Variants in XCR1 observed in about 807,000 individuals in gnomAD.
XCR1 encodes the protein chemokine XC receptor 1.
For missense variants in XCR1, 356 were observed against 424.2 expected (o/e 0.84, Z 1.41); for synonymous variants, 187 against 188.5 (o/e 0.99, Z 0.06).
intron 5 of XCR1, among the ~76,000 whole-genome samples, chr3:46,053,899 G>A (rs1697799482): frequency 8.0e-6 from 1 of 125,278 alleles, no homozygotes. Context: ...ACTGCTCCCA[G>A]TAGCTCTTTA....
intron 1 of XCR1, among the ~76,000 whole-genome samples, chr3:46,024,405 C>A (rs1308960745): frequency 6.6e-6 from 1 of 152,080 alleles, no homozygotes; most frequent in Non-Finnish European, 1.5e-5. Flanking sequence ...ACACTAAACT[C>A]ATGGAGGTTC....
chr3:46,055,320 A>G (rs1697833190), intron 4 of XCR1, among the ~76,000 whole-genome samples: 1 of 152,228 alleles, frequency 6.6e-6, no homozygotes, highest in Admixed American at 6.5e-5. Flanking sequence ...CATGAACAAA[A>G]CAATCATAAA....
intron 1 of XCR1, among the ~76,000 whole-genome samples, chr3:46,077,198 C>T (rs1285601718): frequency 2.0e-5 from 3 of 152,070 alleles, no homozygotes; most frequent in African/African-American, 7.2e-5. Flanking sequence ...CTAGGCTGCA[C>T]AGCAGGAGGT....
At chr3:46,079,970 G>C (rs2125904446) in intron 1 of XCR1, among the ~76,000 whole-genome samples, 1 of 152,212 alleles carries the variant, frequency 6.6e-6, no homozygotes, top group Middle Eastern at 3.4e-3. Context: ...GTCTCTCTGT[G>C]ATGCCATTTC....
At chr3:46,074,240 T>TTTTG (rs1698214831) in intron 3 of XCR1, among the ~76,000 whole-genome samples, 2 of 129,870 alleles carry the variant, frequency 1.5e-5, no homozygotes, top group African/African-American at 3.0e-5. Flanking sequence ...TTTTTTTTTT[T>TTTTG]GAGACAGGGT....
At chr3:46,039,226 G>A (rs1233503478) in intron 5 of XCR1, among the ~76,000 whole-genome samples, 1 of 152,172 alleles carries the variant, frequency 6.6e-6, no homozygotes, top group Non-Finnish European at 1.5e-5. Context: ...TTCTTGTTTT[G>A]TTGTACGGTA....
At chr3:46,023,415 T>G in intron 1 of XCR1, 1 of 1,469,810 alleles carries the variant, frequency 6.8e-7, no homozygotes, top group Non-Finnish European at 9.5e-7. Flanking sequence ...CTGCGGCATA[T>G]CTTTCTGAAG....
chr3:46,061,992 T>C (rs1480991381), intron 4 of XCR1, among the ~76,000 whole-genome samples: 1 of 152,118 alleles, frequency 6.6e-6, no homozygotes, highest in Non-Finnish European at 1.5e-5. Context: ...AAGGGTTTTG[T>C]GTGGCAAAGG....
chr3:46,042,489 G>A (rs1697553679), intron 5 of XCR1, among the ~76,000 whole-genome samples: 1 of 152,014 alleles, frequency 6.6e-6, no homozygotes, highest in South Asian at 2.1e-4. Flanking sequence ...AGGAAAGTGG[G>A]GACATTACTA....
intron 5 of XCR1, among the ~76,000 whole-genome samples, chr3:46,037,009 T>C (rs1697442337): frequency 6.6e-6 from 1 of 152,200 alleles, no homozygotes; most frequent in Admixed American, 6.5e-5. Flanking sequence ...GCTTATTGGA[T>C]GCCTGAGTCA....
chr3:46,045,627 T>TA (rs932286488), intron 5 of XCR1, among the ~76,000 whole-genome samples: 6 of 151,936 alleles, frequency 3.9e-5, no homozygotes, highest in Admixed American at 6.6e-5. Context: ...CTCAACATGA[T>TA]AAAAAAAACT....
chr3:46,041,884 C>T (rs1697542586), intron 5 of XCR1, among the ~76,000 whole-genome samples: 1 of 152,196 alleles, frequency 6.6e-6, no homozygotes, highest in Non-Finnish European at 1.5e-5. Flanking sequence ...TATATGTCTT[C>T]CCTGCTATAT....
intron 1 of XCR1, among the ~76,000 whole-genome samples, chr3:46,079,498 T>C (rs2125904358): frequency 6.6e-6 from 1 of 152,204 alleles, no homozygotes; most frequent in Middle Eastern, 3.4e-3. Context: ...CCTCCTCCCT[T>C]CCACTTCCAG....
At chr3:46,056,202 G>GT (rs1428190014) in intron 4 of XCR1, among the ~76,000 whole-genome samples, 8 of 151,804 alleles carry the variant, frequency 5.3e-5, no homozygotes, top group African/African-American at 7.3e-5. Context: ...TCAAGAGTTC[G>GT]TTTTTTTTCT....
intron 1 of XCR1, among the ~76,000 whole-genome samples, chr3:46,085,743 C>T (rs1181991771): frequency 1.3e-5 from 2 of 152,226 alleles, no homozygotes; most frequent in Admixed American, 6.5e-5. Context: ...CCAAACCTCC[C>T]TCTTGAGCTA....
chr3:46,068,164 G>A (rs528963659), intron 3 of XCR1, among the ~76,000 whole-genome samples: 2 of 152,302 alleles, frequency 1.3e-5, no homozygotes, highest in South Asian at 4.1e-4. Flanking sequence ...ACCAGCCTCA[G>A]CACCTCTGTG....
intron 5 of XCR1, among the ~76,000 whole-genome samples, chr3:46,049,065 A>G (rs7642229): frequency 0.22 from 33,966 of 152,160 alleles, 5,222 homozygotes; most frequent in African/African-American, 0.42. Flanking sequence ...AGGCAATGTC[A>G]CTGTACATGA....
At chr3:46,050,897 G>T (rs1478726554) in intron 5 of XCR1, among the ~76,000 whole-genome samples, 1 of 152,222 alleles carries the variant, frequency 6.6e-6, no homozygotes, top group Non-Finnish European at 1.5e-5. Flanking sequence ...CTCAAATTAT[G>T]CAGCAATCAC....
intron 5 of XCR1, among the ~76,000 whole-genome samples, chr3:46,052,771 G>C (rs548011671): frequency 6.6e-6 from 1 of 152,220 alleles, no homozygotes; most frequent in East Asian, 1.9e-4. Flanking sequence ...CTAGAGTAAA[G>C]GTTAGCATTT....
Sources: gnomAD v4.1 joint callset for allele counts (sites outside exome capture counted in the v4.1 genomes callset) on GRCh38, gnomAD v4.1.1 for gene constraint, MANE v1.5 for transcripts, NCBI Gene and HGNC (gene_info 2026-07-23, HGNC 2026-07-21) for gene names.